Variants in CASR observed in about 807,000 individuals in gnomAD.
CASR encodes calcium sensing receptor.
A neutral mutation model predicts 69.1 loss-of-function variants in CASR; 23 were observed. The observed-to-expected ratio is 0.33, with a 90% CI of 0.24 to 0.47. The LOEUF is 0.47. Among genes scored for constraint, CASR ranks in the 20% least tolerant of loss-of-function variants. The probability of loss-of-function intolerance (pLI) is 1.00; values close to 1 mark genes in which losing one functional copy is unlikely to be tolerated. For missense variants in CASR, 924 were observed against 1,356.1 expected (o/e 0.68, Z 5.00); for synonymous variants, 541 against 544.7 (o/e 0.99, Z 0.10).
At chr3:122,190,144 C>T (rs908101997) in intron 1 of CASR, among the ~76,000 whole-genome samples, 10 of 152,132 alleles carry the variant, frequency 6.6e-5, no homozygotes, top group African/African-American at 2.2e-4. Flanking sequence ...TCTACCACAG[C>T]TTCAGGCTTC....
intron 1 of CASR, among the ~76,000 whole-genome samples, chr3:122,228,727 G>A (rs768370929): frequency 6.6e-6 from 1 of 152,204 alleles, no homozygotes; most frequent in Non-Finnish European, 1.5e-5. Context: ...ACCCTGTGAG[G>A]TAAGGCTTAT....
At chr3:122,186,137 G>T (rs889707119) in intron 1 of CASR, among the ~76,000 whole-genome samples, 2 of 152,060 alleles carry the variant, frequency 1.3e-5, no homozygotes, top group Admixed American at 6.5e-5. Flanking sequence ...CTTTTTTACT[G>T]AATTAGCAGG....
chr3:122,222,307 A>C (rs1347033810), intron 1 of CASR, among the ~76,000 whole-genome samples: 1 of 152,156 alleles, frequency 6.6e-6, no homozygotes, highest in African/African-American at 2.4e-5. Context: ...GTATGCATAG[A>C]GTGCCTAGCA....
Position 122,254,279 on chromosome 3 carries a change from G to A in CASR, c.90G>A (p.Gly30=), listed in dbSNP as rs1055397172. ...YGPDQRAQKK[G]DIILGGLFPI... ...CAGACCAGCGAGCCCAAAAGAAGGG[G>A]GACATTATCCTTGGGGGGCTCTTTC... The change falls in exon 2 of 7, where the codon GGG becomes GGA. Residue 30 remains glycine (G), a synonymous_variant. Coordinates refer to ENST00000639785, the MANE Select transcript of CASR (RefSeq NM_000388.4). 5.6e-6 allele frequency: 9 copies of A among 1,614,042 alleles called. No individual in the cohort carries two copies. Among genetic ancestry groups the A allele is most frequent in the Non-Finnish European group, 7.6e-6 (9 of 1,179,988 alleles).
At chr3:122,268,217 A>C (rs1480951461) in intron 4 of CASR, among the ~76,000 whole-genome samples, 2 of 152,248 alleles carry the variant, frequency 1.3e-5, no homozygotes, top group East Asian at 3.8e-4. Flanking sequence ...CCATTACTTA[A>C]TATGCACAGA....
At chr3:122,273,634 C>A (rs975702309) in intron 4 of CASR, among the ~76,000 whole-genome samples, 2 of 152,108 alleles carry the variant, frequency 1.3e-5, no homozygotes, top group Non-Finnish European at 2.9e-5. Flanking sequence ...TGGAAGCTAC[C>A]TGAATAAGTT....
In CASR at chr3:122,289,147, C is replaced by T. The variant is rs945587170; in HGVS notation, c.*3956C>T. 5.3e-5 allele frequency: 8 copies of T among 152,216 alleles called. No individual in the cohort carries two copies. Among genetic ancestry groups the T allele is most frequent in the African/African-American group, 1.4e-4 (6 of 41,456 alleles). The allele number at this position is 152,216 out of a possible 1,614,324, so 9.4% of individuals were successfully genotyped here. A position where few individuals can be genotyped will look rare whatever the true frequency, so the allele number is the denominator to read the frequency against. ...TGCCCAGCCAGAGCTTCCCTTTGCT[C>T]ATCTGCTGCATTTGAAATAATTATT... On this transcript the variant is annotated 3_prime_UTR_variant, in exon 7 of 7. Coordinates refer to ENST00000639785, the MANE Select transcript of CASR (RefSeq NM_000388.4).
chr3:122,194,727 C>T (rs186678566), intron 1 of CASR, among the ~76,000 whole-genome samples: 13 of 152,200 alleles, frequency 8.5e-5, no homozygotes, highest in Admixed American at 8.5e-4. Flanking sequence ...TCCAGAACTC[C>T]CTTCTTTCCA....
chr3:122,282,496 CT>C (rs376338172), intron 6 of CASR, among the ~76,000 whole-genome samples: 120 of 152,272 alleles, frequency 7.9e-4, no homozygotes, highest in African/African-American at 2.9e-3. Context: ...AATATATTTC[CT>C]TTTTGTTAGA....
intron 1 of CASR, among the ~76,000 whole-genome samples, chr3:122,189,009 G>A (rs1216480239): frequency 1.3e-5 from 2 of 152,224 alleles, no homozygotes; most frequent in Non-Finnish European, 2.9e-5. Context: ...TGGATACTAG[G>A]AAGTGCTGAT....
intron 5 of CASR, among the ~76,000 whole-genome samples, chr3:122,281,255 C>T (rs571344922): frequency 6.6e-6 from 1 of 152,306 alleles, no homozygotes; most frequent in East Asian, 1.9e-4. Flanking sequence ...GCATTTTAGC[C>T]TGGGCCTGCT....
intron 1 of CASR, among the ~76,000 whole-genome samples, chr3:122,210,300 T>G (rs2107594788): frequency 6.6e-6 from 1 of 152,282 alleles, no homozygotes; most frequent in Admixed American, 6.5e-5. Flanking sequence ...TCAAACTGTT[T>G]CTGTTTGCAG....
Position 122,253,940 on chromosome 3 carries a change from T to C in CASR, c.-242-8T>C. On this transcript the variant is annotated splice_region_variant and splice_polypyrimidine_tract_variant and intron_variant, in intron 1 of 6. Transcript: ENST00000639785. ...AGCTGAATCCATTTTGTCTTTCTTT[T>C]CTTTTAGAAGGCATCACAGGAGGCC... The C allele has an allele frequency of 1.9e-6, 1 of 529,754 alleles. No homozygotes were observed. Among genetic ancestry groups the C allele is most frequent in the Non-Finnish European group, 3.4e-6 (1 of 294,110 alleles). 32.8% of individuals were successfully genotyped at this position (529,754 alleles called of 1,614,324 possible). A position where few individuals can be genotyped will look rare whatever the true frequency, so the allele number is the denominator to read the frequency against.
intron 1 of CASR, among the ~76,000 whole-genome samples, chr3:122,232,396 T>C (rs2074287025): frequency 6.6e-6 from 1 of 152,078 alleles, no homozygotes; most frequent in South Asian, 2.1e-4. Flanking sequence ...TTTGAGCCAC[T>C]GAAGGATCCC....
chr3:122,267,930 T>C (rs2074712709), intron 4 of CASR, among the ~76,000 whole-genome samples: 1 of 152,210 alleles, frequency 6.6e-6, no homozygotes, highest in Non-Finnish European at 1.5e-5. Flanking sequence ...TTTTAAAATA[T>C]GTCCATTTTC....
chr3:122,185,917 A>G (rs1019414004), intron 1 of CASR, among the ~76,000 whole-genome samples: 4 of 152,202 alleles, frequency 2.6e-5, no homozygotes, highest in Non-Finnish European at 5.9e-5. Context: ...CCTCAAGCAC[A>G]GAGCCCTGTC....
intron 1 of CASR, among the ~76,000 whole-genome samples, chr3:122,209,094 C>G (rs34351313): frequency 0.24 from 36,619 of 152,134 alleles, 5,447 homozygotes; most frequent in Admixed American, 0.43. Context: ...CAGAGTCACA[C>G]ATTGTTGGGC....
chr3:122,247,522 C>A (rs1308524289), intron 1 of CASR: 1 of 152,244 alleles, frequency 6.6e-6, no homozygotes, highest in East Asian at 1.9e-4. Context: ...GTTCATACAT[C>A]CGTCAGCAGA....
intron 1 of CASR, among the ~76,000 whole-genome samples, chr3:122,189,088 T>C (rs755425279): frequency 4.4e-4 from 67 of 152,198 alleles, no homozygotes; most frequent in Non-Finnish European, 8.5e-4. Context: ...GAAATGAACA[T>C]TATAATTAGG....
Sources: gnomAD v4.1 joint callset for allele counts (sites outside exome capture counted in the v4.1 genomes callset) on GRCh38, gnomAD v4.1.1 for gene constraint, MANE v1.5 for transcripts, NCBI Gene and HGNC (gene_info 2026-07-23, HGNC 2026-07-21) for gene names.